The following PTPRD variants were observed in gnomAD, a reference collection of about 807,000 sequenced individuals.
The protein encoded by PTPRD is receptor-type tyrosine-protein phosphatase delta.
In PTPRD, 34 loss-of-function variants were observed where a neutral mutation model predicts 214.5. The observed-to-expected ratio is 0.16, with a 90% CI of 0.12 to 0.21. PTPRD has a LOEUF of 0.21. PTPRD is among the 10% of genes least tolerant of loss of function. The probability of loss-of-function intolerance (pLI) is 1.00; values close to 1 mark genes in which losing one functional copy is unlikely to be tolerated. For missense variants in PTPRD, 2,545 were observed against 2,398.7 expected, an observed-to-expected ratio of 1.06 and a Z score of -1.27; for synonymous variants, 1,128 against 845.7, an observed-to-expected ratio of 1.33 and a Z score of -5.79.
chr9:9,104,769 T>TC (rs1341247338), intron 10 of PTPRD, among the ~76,000 whole-genome samples: 1 of 152,200 alleles, frequency 6.6e-6, no homozygotes, highest in African/African-American at 2.4e-5. Flanking sequence ...ATTTCTTTGT[T>TC]CATTCTATCG....
At chr9:8,930,964 A>G (rs150436286) in intron 11 of PTPRD, among the ~76,000 whole-genome samples, 2 of 152,170 alleles carry the variant, frequency 1.3e-5, no homozygotes, top group East Asian at 3.9e-4. Flanking sequence ...TCTTTAGTTT[A>G]ATGAGATCCC....
At chr9:8,710,590 T>C (rs2098311669) in intron 12 of PTPRD, among the ~76,000 whole-genome samples, 1 of 152,158 alleles carries the variant, frequency 6.6e-6, no homozygotes, top group African/African-American at 2.4e-5. Flanking sequence ...CACTCCAGTC[T>C]GGGTGACAGA....
At chr9:10,126,142 A>G (rs1374566298) in intron 3 of PTPRD, among the ~76,000 whole-genome samples, 2 of 152,108 alleles carry the variant, frequency 1.3e-5, no homozygotes, top group African/African-American at 4.8e-5. Flanking sequence ...ACAATTCAAG[A>G]ATTAGATTGT....
At chr9:8,903,933 T>C (rs2098690106) in intron 11 of PTPRD, among the ~76,000 whole-genome samples, 1 of 152,190 alleles carries the variant, frequency 6.6e-6, no homozygotes, top group African/African-American at 2.4e-5. Flanking sequence ...CAGTGTCTCA[T>C]AGTAGATTTG....
At chr9:9,984,559 C>A (rs934637963) in intron 4 of PTPRD, among the ~76,000 whole-genome samples, 1 of 152,146 alleles carries the variant, frequency 6.6e-6, no homozygotes, top group Non-Finnish European at 1.5e-5. Flanking sequence ...TATGGGTACA[C>A]AGAGTGACTT....
At chr9:8,933,340 G>GTTTTTTTTTTTTTTCTTTTT (rs2098966825) in intron 11 of PTPRD, among the ~76,000 whole-genome samples, 1 of 80,430 alleles carries the variant, frequency 1.2e-5, no homozygotes, top group African/African-American at 5.1e-5. Context: ...CAACCTTGAG[G>GTTTTTTTTTTTTTTCTTTTT]TTTTTTTTTT....
chr9:9,160,918 C>A (rs2099887107), intron 10 of PTPRD, among the ~76,000 whole-genome samples: 1 of 152,068 alleles, frequency 6.6e-6, no homozygotes, highest in Non-Finnish European at 1.5e-5. Flanking sequence ...GTGAAATAAA[C>A]CAGGCACAGA....
At chr9:9,866,053 T>C (rs2063868071) in intron 5 of PTPRD, among the ~76,000 whole-genome samples, 1 of 152,188 alleles carries the variant, frequency 6.6e-6, no homozygotes, top group African/African-American at 2.4e-5. Flanking sequence ...TCTGTACATA[T>C]GCACTTATAA....
At chr9:10,113,619 G>A (rs1488766813) in intron 3 of PTPRD, among the ~76,000 whole-genome samples, 1 of 152,256 alleles carries the variant, frequency 6.6e-6, no homozygotes, top group African/African-American at 2.4e-5. Flanking sequence ...AATCTCCAGC[G>A]AGAGATGAAG....
intron 2 of PTPRD, among the ~76,000 whole-genome samples, chr9:10,463,215 G>A (rs556381377): frequency 1.3e-5 from 2 of 152,060 alleles, no homozygotes; most frequent in South Asian, 4.2e-4. Flanking sequence ...ACTTGTTTCT[G>A]GGTGCTAGGA....
At chr9:9,019,624 T>C (rs1224811790) in intron 10 of PTPRD, among the ~76,000 whole-genome samples, 1 of 152,158 alleles carries the variant, frequency 6.6e-6, no homozygotes, top group Non-Finnish European at 1.5e-5. Context: ...GAGAATCACT[T>C]GAACCCAGGA....
intron 3 of PTPRD, among the ~76,000 whole-genome samples, chr9:10,231,832 C>G (rs2099611095): frequency 6.6e-6 from 1 of 151,676 alleles, no homozygotes; most frequent in Admixed American, 6.6e-5. Flanking sequence ...GAAGCAGGGC[C>G]CTGTGGAGGT....
At chr9:9,991,983 C>T (rs1566966739) in intron 4 of PTPRD, among the ~76,000 whole-genome samples, 1 of 152,096 alleles carries the variant, frequency 6.6e-6, no homozygotes, top group Non-Finnish European at 1.5e-5. Flanking sequence ...TAACGAACCT[C>T]AAAAACATTA....
intron 11 of PTPRD, among the ~76,000 whole-genome samples, chr9:8,793,246 C>T (rs1414180016): frequency 6.6e-6 from 1 of 151,510 alleles, no homozygotes; most frequent in Non-Finnish European, 1.5e-5. Context: ...CTCTTACTCT[C>T]TCTTCCTTTG....
At chr9:8,498,418 C>T (rs1459230265) in intron 25 of PTPRD, among the ~76,000 whole-genome samples, 1 of 152,042 alleles carries the variant, frequency 6.6e-6, no homozygotes, top group African/African-American at 2.4e-5. Context: ...TGGGACCACA[C>T]AGGCGTGTGC....
intron 11 of PTPRD, among the ~76,000 whole-genome samples, chr9:8,923,592 C>G (rs901361720): frequency 6.6e-6 from 1 of 152,036 alleles, no homozygotes; most frequent in African/African-American, 2.4e-5. Flanking sequence ...ATGGAACTAG[C>G]AGAATAAAAC....
intron 11 of PTPRD, among the ~76,000 whole-genome samples, chr9:8,982,742 T>C: frequency 6.6e-6 from 1 of 152,062 alleles, no homozygotes; most frequent in Non-Finnish European, 1.5e-5. Flanking sequence ...CAATTCATAT[T>C]TAGCAACCTG....
At chr9:10,258,828 C>G (rs1274127855) in intron 3 of PTPRD, among the ~76,000 whole-genome samples, 1 of 152,162 alleles carries the variant, frequency 6.6e-6, no homozygotes, top group African/African-American at 2.4e-5. Flanking sequence ...CAACTGAATA[C>G]ACTATCGTTT....
At chr9:10,124,529 C>T (rs1051484310) in intron 3 of PTPRD, among the ~76,000 whole-genome samples, 6 of 152,146 alleles carry the variant, frequency 3.9e-5, no homozygotes, top group Non-Finnish European at 7.4e-5. Context: ...AATATTTATC[C>T]GTCAAATCCA....
Sources: gnomAD v4.1 joint callset for allele counts (sites outside exome capture counted in the v4.1 genomes callset) on GRCh38, gnomAD v4.1.1 for gene constraint, MANE v1.5 for transcripts, NCBI Gene and HGNC (gene_info 2026-07-23, HGNC 2026-07-21) for gene names.